AUTS2: variants seen among roughly 807,000 people sequenced by gnomAD.
The protein encoded by AUTS2 is autism susceptibility gene 2 protein.
AUTS2 carries 17 observed loss-of-function variants against 112.4 expected under a neutral mutation model. That is an observed-to-expected ratio of 0.15 (90% CI 0.10 to 0.23). The LOEUF (loss-of-function observed/expected upper bound fraction) is 0.23, where lower values mean the gene tolerates loss of function less well. Among genes scored for constraint, AUTS2 ranks in the 10% least tolerant of loss-of-function variants. The probability of loss-of-function intolerance (pLI) is 1.00; values close to 1 mark genes in which losing one functional copy is unlikely to be tolerated. For synonymous variants in AUTS2, 751 were observed against 702.7 expected, an observed-to-expected ratio of 1.07 and a Z score of -1.09; for missense variants, 1,510 against 1,701.6, an observed-to-expected ratio of 0.89 and a Z score of 1.98.
At chr7:69,630,416 G>C (rs1794174817) in intron 1 of AUTS2, among the ~76,000 whole-genome samples, 1 of 152,192 alleles carries the variant, frequency 6.6e-6, no homozygotes. Context: ...TTCTAAGGAT[G>C]TGCTATTCTC....
In AUTS2 at chr7:70,781,309, C is replaced by T. The variant is rs6460559; in HGVS notation, c.2005-306C>T. 0.66 allele frequency among the ~76,000 whole-genome samples: 98,644 copies of T among 148,466 alleles called. 33,013 individuals carry two copies. Among genetic ancestry groups the T allele is most frequent in the Middle Eastern group, 0.81 (237 of 292 alleles). On this transcript the variant is annotated intron_variant, in intron 14 of 18. Transcript: ENST00000342771. Reference sequence around the variant, plus strand: ...CCAGGAGGTGGAGGTTGTAGTGAGCCGAGATCCCACCACTGCACTCCAGCC... The same window carrying T: ...CCAGGAGGTGGAGGTTGTAGTGAGCTGAGATCCCACCACTGCACTCCAGCC...
chr7:70,132,777 A>G (rs1806347082), intron 3 of AUTS2, among the ~76,000 whole-genome samples: 1 of 152,026 alleles, frequency 6.6e-6, no homozygotes. Flanking sequence ...GGGGGTAGGG[A>G]AGTGGGTTTG....
intron 5 of AUTS2, among the ~76,000 whole-genome samples, chr7:70,615,870 G>A (rs961036790): frequency 2.6e-5 from 4 of 151,940 alleles, no homozygotes; most frequent in Non-Finnish European, 5.9e-5. Flanking sequence ...TCAGCCTCCC[G>A]AGTAGCTGAG....
intron 6 of AUTS2, among the ~76,000 whole-genome samples, chr7:70,758,897 A>C (rs1789386409): frequency 3.0e-5 from 2 of 67,398 alleles, no homozygotes; most frequent in African/African-American, 1.1e-4. Flanking sequence ...GATTAGCCAC[A>C]AAAATGCCTG....
chr7:70,204,487 CGGGGGGT>C (rs1203030041), intron 4 of AUTS2, among the ~76,000 whole-genome samples: 1 of 151,684 alleles, frequency 6.6e-6, no homozygotes, highest in African/African-American at 2.4e-5. Context: ...TATGTTTTGT[CGGGGGGT>C]GGGGAGAATG....
chr7:70,025,130 A>C (rs1800456067), intron 2 of AUTS2, among the ~76,000 whole-genome samples: 1 of 152,182 alleles, frequency 6.6e-6, no homozygotes. Flanking sequence ...TATAGCATCT[A>C]CCAGTAATTG....
rs555174494 is a variant in AUTS2, at chr7:69,991,684, G to A, written c.522+92186G>A. On this transcript the variant is annotated intron_variant, in intron 2 of 18. Coordinates refer to ENST00000342771, the MANE Select transcript of AUTS2 (RefSeq NM_015570.4). ...ATATGGAGGAATTAAATGCTATATG[G>A]TATGATAATATAAATCATTTGAAAG... is the stretch of plus-strand genomic sequence containing the variant. Among the ~76,000 whole-genome samples, 21 of 152,252 alleles carry A rather than the reference G, an allele frequency of 1.4e-4. No homozygotes were observed. In the South Asian group the frequency reaches 4.1e-3, roughly 30 times the overall value.
chr7:70,648,287 C>T (rs369741305), intron 5 of AUTS2, among the ~76,000 whole-genome samples: 41 of 152,238 alleles, frequency 2.7e-4, no homozygotes, highest in African/African-American at 5.1e-4. Context: ...TCTGTGATGC[C>T]GTCAGCTCAC....
At chr7:70,613,253 G>C (rs942697808) in intron 5 of AUTS2, among the ~76,000 whole-genome samples, 53 of 151,994 alleles carry the variant, frequency 3.5e-4, no homozygotes, top group African/African-American at 1.1e-3. Context: ...GTGTGTGTGT[G>C]TGTGTGTGTG....
chr7:70,649,238 C>CTTT, intron 5 of AUTS2, among the ~76,000 whole-genome samples: 4 of 152,104 alleles, frequency 2.6e-5, no homozygotes, highest in African/African-American at 9.6e-5. Flanking sequence ...AGTTTGAGAC[C>CTTT]AGCCTGGGCA....
intron 16 of AUTS2, 137 bp downstream of exon 16, chr7:70,785,156 G>T (rs1156824587): frequency 2.2e-5 from 18 of 811,186 alleles, no homozygotes; most frequent in Non-Finnish European, 3.6e-5. Context: ...AGGAGATGGT[G>T]CTCTCTTAGG....
At chr7:70,786,166 C>G in intron 17 of AUTS2, 128 bp downstream of exon 17, 2 of 754,232 alleles carry the variant, frequency 2.7e-6, no homozygotes, top group Non-Finnish European at 4.2e-6. Flanking sequence ...TATATCACTG[C>G]AAAAGCAGGC....
At chr7:70,562,803 T>C (rs1452208891) in intron 5 of AUTS2, among the ~76,000 whole-genome samples, 1 of 152,234 alleles carries the variant, frequency 6.6e-6, no homozygotes, top group Non-Finnish European at 1.5e-5. Flanking sequence ...GGAATAACTA[T>C]AGGTGTTTAC....
intron 2 of AUTS2, among the ~76,000 whole-genome samples, chr7:69,907,759 T>C (rs1003226399): frequency 6.6e-6 from 1 of 152,226 alleles, no homozygotes; most frequent in African/African-American, 2.4e-5. Context: ...ATGATACAAC[T>C]CTGTTAAAGG....
chr7:69,694,150 A>C (rs1405974291), intron 1 of AUTS2, among the ~76,000 whole-genome samples: 1 of 152,168 alleles, frequency 6.6e-6, no homozygotes, highest in African/African-American at 2.4e-5. Context: ...GTTAGGTGGA[A>C]CTAATAGGTG....
intron 2 of AUTS2, among the ~76,000 whole-genome samples, chr7:70,053,268 T>G (rs1801835639): frequency 1.3e-5 from 2 of 152,150 alleles, no homozygotes; most frequent in South Asian, 4.1e-4. Context: ...GTGTTCCTTA[T>G]TAAAGAAGCA....
chr7:69,859,073 A>G (rs1792862149), intron 1 of AUTS2, among the ~76,000 whole-genome samples: 1 of 152,230 alleles, frequency 6.6e-6, no homozygotes, highest in Non-Finnish European at 1.5e-5. Flanking sequence ...GTTGAAGCAG[A>G]GAACCTTGTC....
chr7:69,969,382 A>G (rs1008101035), intron 2 of AUTS2, among the ~76,000 whole-genome samples: 3 of 152,194 alleles, frequency 2.0e-5, no homozygotes, highest in African/African-American at 7.2e-5. Context: ...AGTGTAATGT[A>G]AAGCTAAGTA....
In AUTS2 at chr7:70,185,673, T is replaced by C. The variant is rs1809564127; in HGVS notation, c.660+51102T>C. The stretch of plus-strand genomic sequence containing the variant: ...TTCATTCTACTTTTGGAGATCATAT[T>C]ATGATAAGCTTTTCAGAAGCATTAA... On this transcript the variant is annotated intron_variant, in intron 4 of 18. Transcript: ENST00000342771. Among the ~76,000 whole-genome samples, 5 of 152,340 alleles carry C rather than the reference T, an allele frequency of 3.3e-5. No homozygotes were observed. In the South Asian group the frequency reaches 1.0e-3, roughly 32 times the overall value.
Sources: gnomAD v4.1 joint callset for allele counts (sites outside exome capture counted in the v4.1 genomes callset) on GRCh38, gnomAD v4.1.1 for gene constraint, MANE v1.5 for transcripts, NCBI Gene and HGNC (gene_info 2026-07-23, HGNC 2026-07-21) for gene names.